The following FBXL22 variants were observed in gnomAD, a reference collection of about 807,000 sequenced individuals.
FBXL22 encodes the protein F-box and leucine rich repeat protein 22.
A neutral mutation model predicts 11.7 loss-of-function variants in FBXL22; 13 were observed. The observed-to-expected ratio is 1.11, with a 90% CI of 0.73 to 1.77. The LOEUF (loss-of-function observed/expected upper bound fraction) is 1.77. Among genes scored for constraint, FBXL22 ranks in the 40% most tolerant of loss-of-function variants. The pLI is 0.00. For missense variants in FBXL22, 406 were observed against 320.4 expected (o/e 1.27, Z -2.04); for synonymous variants, 160 against 144.1 (o/e 1.11, Z -0.79).
chr15:63,602,690 C>T (rs1319895198), downstream of FBXL22, among the ~76,000 whole-genome samples: 1 of 151,778 alleles, frequency 6.6e-6, no homozygotes, highest in East Asian at 1.9e-4. Context: ...GGGGGTGAAG[C>T]CTCTGAGAAA....
At chr15:63,601,305 T>C (rs371849245), downstream of FBXL22, 5 of 1,588,880 alleles carry the variant, frequency 3.1e-6, no homozygotes, top group Non-Finnish European at 4.3e-6. Flanking sequence ...GGCTTTCTGC[T>C]GTGCGCTCCC....
chr15:63,604,614 A>G (rs1284110866), downstream of FBXL22, among the ~76,000 whole-genome samples: 1 of 152,218 alleles, frequency 6.6e-6, no homozygotes, highest in East Asian at 1.9e-4. Context: ...ACCAGGCATG[A>G]GCAAAACACT....
Position 63,597,666 on chromosome 15 carries a change from C to G in FBXL22, c.274C>G (p.Leu92Val), listed in dbSNP as rs775494411. 10 of 1,605,758 alleles carry G rather than the reference C, an allele frequency of 6.2e-6. No individual in the cohort carries two copies. In the East Asian group the frequency reaches 2.2e-4, roughly 36 times the overall value. The change falls in exon 1 of 2, where the codon CTC becomes GTC. Residue 92 changes from leucine to valine, a missense_variant. Coordinates refer to ENST00000638704, the MANE Select transcript of FBXL22 (RefSeq NM_001367807.1). This position sits in a 1 kb window ranked among gnomAD's most constrained non-coding sequence, Gnocchi z 4.3. ...RVQVCSIEDW[L>V]KSAFQRSICS... ...GCAGGTGTGCAGCATTGAGGACTGGCTCAAGAGTGCCTTCCAGAGAAGCAT... is the reference window on the plus strand; with the variant it reads ...GCAGGTGTGCAGCATTGAGGACTGGGTCAAGAGTGCCTTCCAGAGAAGCAT...
downstream of FBXL22, chr15:63,601,333 C>T (rs2067367935): frequency 6.2e-7 from 1 of 1,602,064 alleles, no homozygotes; most frequent in South Asian, 1.1e-5. Context: ...GCGGGAGGCG[C>T]CTGCACCGTC....
rs567147902 is a variant in FBXL22, at chr15:63,600,397, C to T, written c.354-300C>T. ...GTGGCTCCTGGAACCGGCATTCCCT[C>T]TGTCCACAGCCGCCCCAGGACTCTG... On this transcript the variant is annotated intron_variant, in intron 1 of 1. Transcript: ENST00000638704. The T allele has an allele frequency of 3.2e-4, 370 of 1,164,522 alleles. 1 individual carries two copies. The African/African-American group carries it at 5.5e-3, about 17-fold the overall frequency. 72.1% of individuals were successfully genotyped at this position (1,164,522 alleles called of 1,614,324 possible).
At chr15:63,602,605 AAAAAAT>A (rs2067387913), downstream of FBXL22, among the ~76,000 whole-genome samples, 1 of 151,680 alleles carries the variant, frequency 6.6e-6, no homozygotes, top group Non-Finnish European at 1.5e-5. Context: ...AAAAAAAAAA[AAAAAAT>A]GGTAGAAAGT....
At chr15:63,604,996 G>A (rs960683109), downstream of FBXL22, among the ~76,000 whole-genome samples, 4 of 152,026 alleles carry the variant, frequency 2.6e-5, no homozygotes, top group Admixed American at 2.6e-4. Flanking sequence ...TGGTTGCAGT[G>A]AGCCGAGATC....
At chr15:63,600,399 G>A (rs1458463800) in intron 1 of FBXL22, 1 of 1,166,468 alleles carries the variant, frequency 8.6e-7, no homozygotes, top group Non-Finnish European at 1.1e-6. Flanking sequence ...CATTCCCTCT[G>A]TCCACAGCCG....
intron 1 of FBXL22, among the ~76,000 whole-genome samples, chr15:63,598,277 A>C (rs904139864): frequency 2.0e-5 from 3 of 152,148 alleles, no homozygotes; most frequent in African/African-American, 7.2e-5. Context: ...GCTTAGCCTA[A>C]TTTTTCAAAT....
downstream of FBXL22, among the ~76,000 whole-genome samples, chr15:63,605,735 T>C (rs1328123963): frequency 1.3e-5 from 2 of 152,212 alleles, no homozygotes; most frequent in Non-Finnish European, 2.9e-5. Flanking sequence ...ACTCCTGCAA[T>C]GCTAACTCTT....
At chr15:63,602,788 G>A (rs2067390840), downstream of FBXL22, among the ~76,000 whole-genome samples, 1 of 152,148 alleles carries the variant, frequency 6.6e-6, no homozygotes, top group African/African-American at 2.4e-5. Flanking sequence ...CAGAGGAACA[G>A]TCAGTGCAGA....
chr15:63,600,509 G>A (rs889969750), intron 1 of FBXL22, 188 bp from the exon 2 acceptor site: 2 of 1,227,844 alleles, frequency 1.6e-6, no homozygotes. Context: ...GGGGTGCAGG[G>A]GCAGAAAGAG....
At chr15:63,600,235 A>T in intron 1 of FBXL22, 3 of 988,982 alleles carry the variant, frequency 3.0e-6, no homozygotes, top group Non-Finnish European at 3.6e-6. Flanking sequence ...GCCACCTCCA[A>T]GGAAACAAAT....
intron 1 of FBXL22, among the ~76,000 whole-genome samples, chr15:63,598,041 G>C (rs1157038807): frequency 2.0e-5 from 3 of 152,148 alleles, no homozygotes; most frequent in African/African-American, 7.2e-5. Flanking sequence ...GGTCCAGCTG[G>C]GCCTGGATTT....
At chr15:63,598,395 GAAT>G (rs1409380665) in intron 1 of FBXL22, among the ~76,000 whole-genome samples, 1 of 152,140 alleles carries the variant, frequency 6.6e-6, no homozygotes, top group Non-Finnish European at 1.5e-5. Context: ...GATAAACAGT[GAAT>G]AATATTTTAG....
chr15:63,599,759 G>C, intron 1 of FBXL22: 1 of 986,360 alleles, frequency 1.0e-6, no homozygotes, highest in Non-Finnish European at 1.2e-6. Flanking sequence ...CTGGCTGCGG[G>C]GAGCCAAGGC....
Position 63,597,801 on chromosome 15 carries a change from T to C in FBXL22, c.353+56T>C. 2 of 1,487,088 alleles carry C rather than the reference T, an allele frequency of 1.3e-6. No individual in the cohort carries two copies. The highest frequency in any genetic ancestry group is 1.3e-5 in the South Asian group (1 of 77,182). 92.1% of individuals were successfully genotyped at this position (1,487,088 alleles called of 1,614,324 possible). A position where few individuals can be genotyped will look rare whatever the true frequency, so the allele number is the denominator to read the frequency against. On this transcript the variant is annotated intron_variant, in intron 1 of 1. Coordinates refer to ENST00000638704, the MANE Select transcript of FBXL22 (RefSeq NM_001367807.1). This position sits in a 1 kb window ranked among gnomAD's most constrained non-coding sequence, Gnocchi z 4.3. ...GCCCCGCTAGCTCTGGCTTCCCTCT[T>C]GGGGGGCAGGGAAGAGCAAATTACG...
downstream of FBXL22, among the ~76,000 whole-genome samples, chr15:63,604,889 C>G (rs932885374): frequency 6.6e-6 from 1 of 152,042 alleles, no homozygotes; most frequent in Non-Finnish European, 1.5e-5. Context: ...AAACTCTCTT[C>G]TAAAATACAA....
rs780981896 is a variant in FBXL22 at position 63,597,480 on chromosome 15, A to T, written c.88A>T (p.Lys30Ter). ...CTCCTTCCTAGACAAGGACAGCAGGAAGAGCCTTGCCAGGACCTGCTCCCA... is the reference window on the plus strand; with the variant it reads ...CTCCTTCCTAGACAAGGACAGCAGGTAGAGCCTTGCCAGGACCTGCTCCCA... Reference protein sequence around the residue: ...LFSFLDKDSRKSLARTCSQLH... With the variant: ...LFSFLDKDSR The change falls in exon 1 of 2, where the codon AAG (lysine) becomes TAG (stop). Residue 30 changes from lysine (K) to a stop codon, truncating the protein, a stop_gained. Transcript: ENST00000638704. LOFTEE classifies it high-confidence loss of function. This position sits in a 1 kb window ranked among gnomAD's most constrained non-coding sequence, Gnocchi z 4.3. The T allele has an allele frequency of 6.2e-7, 1 of 1,614,056 alleles. No individual in the cohort carries two copies. The highest frequency in any genetic ancestry group is 8.5e-7 in the Non-Finnish European group (1 of 1,180,010).
Sources: allele counts gnomAD v4.1 joint callset (sites outside exome capture counted in the v4.1 genomes callset), GRCh38; gene constraint gnomAD v4.1.1; non-coding constraint Gnocchi (gnomAD v3.1); transcripts MANE v1.5; gene names NCBI Gene and HGNC (gene_info 2026-07-23, HGNC 2026-07-21).